The following GNL3L variants were observed in gnomAD, a reference collection of about 807,000 sequenced individuals.
GNL3L encodes guanine nucleotide-binding protein-like 3-like protein.
GNL3L carries 4 observed loss-of-function variants against 42.9 expected under a neutral mutation model. That is an observed-to-expected ratio of 0.09 (90% CI 0.05 to 0.21). GNL3L has a LOEUF of 0.21. Among genes scored for constraint, GNL3L ranks in the 10% least tolerant of loss-of-function variants. The pLI is 1.00. For synonymous variants in GNL3L, 159 were observed against 176.3 expected (o/e 0.90, Z 0.78); for missense variants, 412 against 481.7 (o/e 0.86, Z 1.36).
chrX:54,625,292 T>TTG (rs202228252), downstream of GNL3L, among the ~76,000 whole-genome samples: 7,872 of 98,420 alleles, frequency 0.08, 615 homozygotes, highest in African/African-American at 0.32. Flanking sequence ...TTGTTTTGTT[T>TTG]TTTTTTTTTT....
downstream of GNL3L, among the ~76,000 whole-genome samples, chrX:54,624,444 T>C (rs769961235): frequency 2.6e-3 from 262 of 101,955 alleles, 1 homozygote; most frequent in African/African-American, 8.7e-3. Flanking sequence ...TTTTCTTTTT[T>C]TTTTTTTTTT....
intron 16 of GNL3L, among the ~76,000 whole-genome samples, chrX:54,611,014 C>T (rs1301149713): frequency 9.0e-6 from 1 of 111,006 alleles, no homozygotes; most frequent in African/African-American, 3.3e-5. Context: ...ATTACCATTT[C>T]AGCCTCGCTG....
At chrX:54,574,472 G>A (rs372250914) in intron 16 of GNL3L, among the ~76,000 whole-genome samples, 3 of 112,057 alleles carry the variant, frequency 2.7e-5, no homozygotes, top group East Asian at 2.8e-4. Context: ...TTACATGTTC[G>A]TGGAGTAAAT....
intron 16 of GNL3L, among the ~76,000 whole-genome samples, chrX:54,580,843 C>A: frequency 8.9e-6 from 1 of 112,401 alleles, no homozygotes. Context: ...TGCAGTGGCA[C>A]AATCTCGGCT....
intron 15 of GNL3L, 43 bp downstream of exon 15, chrX:54,558,698 A>T: frequency 1.0e-6 from 1 of 969,478 alleles, no homozygotes; most frequent in Non-Finnish European, 1.4e-6. Flanking sequence ...AGGGGCCCAC[A>T]TGGGATCTTT....
intron 16 of GNL3L, among the ~76,000 whole-genome samples, chrX:54,584,081 A>AT (rs36085364): frequency 0.034 from 3,205 of 94,612 alleles, 119 homozygotes; most frequent in African/African-American, 0.096. Flanking sequence ...TCTTCTAATG[A>AT]TTTTTTTTTT....
At chrX:54,550,858 C>T (rs1924916526) in intron 9 of GNL3L, 105 bp from the exon 10 acceptor site, 2 of 517,002 alleles carry the variant, frequency 3.9e-6, no homozygotes, top group Non-Finnish European at 6.6e-6. Flanking sequence ...TTTTTGGCTT[C>T]CCCATGGCCT....
intron 15 of GNL3L, among the ~76,000 whole-genome samples, chrX:54,559,411 C>G (rs2147496483): frequency 8.9e-6 from 1 of 111,849 alleles, no homozygotes; most frequent in East Asian, 2.8e-4. Context: ...CAGACCGCCC[C>G]CTCGTCAGCC....
At chrX:54,530,932 GT>G (rs1218114464) in intron 1 of GNL3L, among the ~76,000 whole-genome samples, 1 of 111,384 alleles carries the variant, frequency 9.0e-6, no homozygotes, top group African/African-American at 3.3e-5. Flanking sequence ...AGAGCCCTCA[GT>G]ATCGCTCCCC....
chrX:54,629,245 T>C, the GNL3L span, among the ~76,000 whole-genome samples: 11 of 110,924 alleles, frequency 9.9e-5, no homozygotes, highest in African/African-American at 3.6e-4. Context: ...TCAATTTGGA[T>C]GTCCTTTATT....
chrX:54,608,635 T>TA (rs770250642), intron 16 of GNL3L, among the ~76,000 whole-genome samples: 2 of 111,841 alleles, frequency 1.8e-5, no homozygotes, highest in Non-Finnish European at 3.8e-5. Flanking sequence ...TTACCTCACT[T>TA]AGAGTAATAG....
At chrX:54,611,466 CTT>C (rs1242199003) in intron 16 of GNL3L, among the ~76,000 whole-genome samples, 1 of 111,514 alleles carries the variant, frequency 9.0e-6, no homozygotes, top group African/African-American at 3.3e-5. Context: ...CTCTATCAGT[CTT>C]TTTGATGTAG....
At chrX:54,572,372 C>G (rs1230490044) in intron 16 of GNL3L, among the ~76,000 whole-genome samples, 4 of 110,660 alleles carry the variant, frequency 3.6e-5, no homozygotes, top group African/African-American at 1.3e-4. Context: ...TTTCTTAGTA[C>G]AGAACAAAAT....
chrX:54,580,355 TC>T (rs1380739141), intron 16 of GNL3L, among the ~76,000 whole-genome samples: 3 of 109,875 alleles, frequency 2.7e-5, no homozygotes, highest in Non-Finnish European at 5.7e-5. Flanking sequence ...TGCATAGTAT[TC>T]CCGTGGTGTA....
intron 1 of GNL3L, among the ~76,000 whole-genome samples, chrX:54,531,461 C>T (rs1924244362): frequency 9.0e-6 from 1 of 110,795 alleles, no homozygotes; most frequent in African/African-American, 3.3e-5. Context: ...ACAGACGCCC[C>T]CACCCCCAAG....
At chrX:54,619,228 T>G (rs1397317560) in intron 16 of GNL3L, among the ~76,000 whole-genome samples, 1 of 111,098 alleles carries the variant, frequency 9.0e-6, no homozygotes, top group Non-Finnish European at 1.9e-5. Flanking sequence ...ATAATCGAAA[T>G]ATCAACAATG....
At chrX:54,586,438 T>C (rs1327619411) in intron 16 of GNL3L, among the ~76,000 whole-genome samples, 1 of 111,790 alleles carries the variant, frequency 8.9e-6, no homozygotes, top group Non-Finnish European at 1.9e-5. Context: ...CACAGCGGAC[T>C]GCATCCTACT....
chrX:54,621,608 A>C (rs1227732787), downstream of GNL3L, among the ~76,000 whole-genome samples: 1 of 111,793 alleles, frequency 8.9e-6, no homozygotes, highest in East Asian at 2.8e-4. Flanking sequence ...ATTGGAACAC[A>C]CAGCCTGAGC....
intron 16 of GNL3L, among the ~76,000 whole-genome samples, chrX:54,573,926 T>C (rs948177074): frequency 2.7e-5 from 3 of 109,564 alleles, no homozygotes; most frequent in African/African-American, 1.0e-4. Context: ...CCGTTTTCAT[T>C]GCTTGCATAT....
Sources: gnomAD v4.1 joint callset for allele counts (sites outside exome capture counted in the v4.1 genomes callset) on GRCh38, gnomAD v4.1.1 for gene constraint, MANE v1.5 for transcripts, NCBI Gene and HGNC (gene_info 2026-07-23, HGNC 2026-07-21) for gene names.